The following PCSK2 variants were observed in gnomAD, a reference collection of about 807,000 sequenced individuals.
PCSK2 encodes proprotein convertase subtilisin/kexin type 2, also known as neuroendocrine convertase 2.
PCSK2 carries 14 observed loss-of-function variants against 69.7 expected under a neutral mutation model. That is an observed-to-expected ratio of 0.20 (90% CI 0.13 to 0.31). PCSK2 has a LOEUF of 0.31. Among genes scored for constraint, PCSK2 ranks in the 10% least tolerant of loss-of-function variants. PCSK2 has a pLI of 1.00. For missense variants in PCSK2, 544 were observed against 842.5 expected, an observed-to-expected ratio of 0.65 and a Z score of 4.39; for synonymous variants, 307 against 320.7, an observed-to-expected ratio of 0.96 and a Z score of 0.46.
chr20:17,351,185 A>T (rs1304150640), intron 2 of PCSK2, among the ~76,000 whole-genome samples: 1 of 152,232 alleles, frequency 6.6e-6, no homozygotes, highest in Non-Finnish European at 1.5e-5. Context: ...AGGGATGGGT[A>T]GAGTTGCTTG....
At chr20:17,394,244 C>A (rs913045784) in intron 5 of PCSK2, among the ~76,000 whole-genome samples, 1 of 152,218 alleles carries the variant, frequency 6.6e-6, no homozygotes, top group African/African-American at 2.4e-5. Flanking sequence ...TCAAATGATA[C>A]TGACGTCAAC....
intron 2 of PCSK2, among the ~76,000 whole-genome samples, chr20:17,337,422 G>C (rs1164840802): frequency 6.6e-6 from 1 of 152,174 alleles, no homozygotes; most frequent in Admixed American, 6.5e-5. Flanking sequence ...GGTTTGCCAG[G>C]CTCTGCCCTT....
intron 1 of PCSK2, among the ~76,000 whole-genome samples, chr20:17,258,310 C>T (rs1294877331): frequency 2.6e-5 from 4 of 152,150 alleles, no homozygotes; most frequent in Non-Finnish European, 5.9e-5. Context: ...GAATAAACAC[C>T]CTTCGGGTTG....
intron 2 of PCSK2, among the ~76,000 whole-genome samples, chr20:17,290,111 G>C (rs1988649218): frequency 6.6e-6 from 1 of 152,154 alleles, no homozygotes. Flanking sequence ...GCATGTACTT[G>C]ATTTTTAGTG....
chr20:17,295,831 C>T (rs1386662179), intron 2 of PCSK2, among the ~76,000 whole-genome samples: 2 of 152,140 alleles, frequency 1.3e-5, no homozygotes, highest in African/African-American at 4.8e-5. Context: ...GGTGGGATTA[C>T]ATGTGTGAGC....
At chr20:17,421,807 T>TAAAAAAAAAAAAAA (rs56376793) in intron 6 of PCSK2, among the ~76,000 whole-genome samples, 2 of 78,968 alleles carry the variant, frequency 2.5e-5, no homozygotes, top group African/African-American at 5.0e-5. Context: ...GGAAGAGAGG[T>TAAAAAAAAAAAAAA]AAAAAAAAAA....
chr20:17,420,881 G>A (rs537695260), intron 6 of PCSK2, among the ~76,000 whole-genome samples: 2 of 152,248 alleles, frequency 1.3e-5, no homozygotes, highest in African/African-American at 4.8e-5. Context: ...TAGAGTGCTT[G>A]GTACAGAGCA....
chr20:17,227,140 A>T lies in PCSK2; in HGVS notation c.-166A>T. On this transcript the variant is annotated 5_prime_UTR_variant, in exon 1 of 12. Transcript: ENST00000262545. Reference sequence around the variant, plus strand: ...TTCCCCTCCAGCCAGATGCTGGAGAACACACACTGATTCGCTGCTTTCCAA... The same window carrying T: ...TTCCCCTCCAGCCAGATGCTGGAGATCACACACTGATTCGCTGCTTTCCAA... 1 of 590,504 alleles carries T rather than the reference A, an allele frequency of 1.7e-6. No individual in the cohort carries two copies. Among genetic ancestry groups the T allele is most frequent in the Non-Finnish European group, 3.0e-6 (1 of 335,844 alleles). 36.6% of individuals were successfully genotyped at this position (590,504 alleles called of 1,614,324 possible).
rs147968437 is a variant in PCSK2 at position 17,365,529 on chromosome 20, C to T, written c.506-3711C>T. On this transcript the variant is annotated intron_variant, in intron 4 of 11. Coordinates refer to ENST00000262545, the MANE Select transcript of PCSK2 (RefSeq NM_002594.5). ...GTAGCCCCAAAAGTCTTGATTTGTT[C>T]CAGCACCAACATCAAAGTCTAAAGC... 6.8e-3 allele frequency among the ~76,000 whole-genome samples: 1,042 copies of T among 152,174 alleles called. 6 individuals are homozygous for T. Among genetic ancestry groups the T allele is most frequent in the South Asian group, 0.026 (124 of 4,816 alleles).
chr20:17,273,434 C>T (rs560109069), intron 2 of PCSK2, among the ~76,000 whole-genome samples: 15 of 152,224 alleles, frequency 9.9e-5, no homozygotes, highest in African/African-American at 3.6e-4. Flanking sequence ...CAAATGTCTG[C>T]CAATACATGC....
At chr20:17,357,607 T>C (rs1273399783) in intron 2 of PCSK2, among the ~76,000 whole-genome samples, 1 of 152,180 alleles carries the variant, frequency 6.6e-6, no homozygotes, top group Non-Finnish European at 1.5e-5. Context: ...TAAGAATACT[T>C]TACTCAGCCA....
chr20:17,331,531 G>A (rs1183732863), intron 2 of PCSK2, among the ~76,000 whole-genome samples: 3 of 152,124 alleles, frequency 2.0e-5, no homozygotes, highest in African/African-American at 7.2e-5. Flanking sequence ...TGAATTTTAT[G>A]ACAAGTTTGA....
At chr20:17,411,943 T>G (rs896215996) in intron 6 of PCSK2, among the ~76,000 whole-genome samples, 1 of 152,232 alleles carries the variant, frequency 6.6e-6, no homozygotes, top group African/African-American at 2.4e-5. Context: ...GGGACCTGAC[T>G]GTTAGAAGGA....
At chr20:17,354,420 G>A (rs536641224) in intron 2 of PCSK2, among the ~76,000 whole-genome samples, 27 of 152,270 alleles carry the variant, frequency 1.8e-4, no homozygotes, top group Admixed American at 1.4e-3. Flanking sequence ...AGAGAAGGAG[G>A]AAGAGAGAAT....
At chr20:17,462,885 C>G (rs2033036812) in intron 10 of PCSK2, among the ~76,000 whole-genome samples, 1 of 152,134 alleles carries the variant, frequency 6.6e-6, no homozygotes, top group Non-Finnish European at 1.5e-5. Flanking sequence ...ACCTGTAATT[C>G]TTGGGCTGCT....
At chr20:17,260,951 C>G (rs1043687778) in intron 2 of PCSK2, among the ~76,000 whole-genome samples, 1 of 152,108 alleles carries the variant, frequency 6.6e-6, no homozygotes, top group African/African-American at 2.4e-5. Context: ...AATCTTCAGT[C>G]TTTACCTTGC....
intron 2 of PCSK2, among the ~76,000 whole-genome samples, chr20:17,312,615 G>T (rs2123114526): frequency 6.6e-6 from 1 of 152,100 alleles, no homozygotes; most frequent in South Asian, 2.1e-4. Flanking sequence ...ACTGTCCTAT[G>T]CACTGTTCTG....
chr20:17,341,236 T>A (rs549702795), intron 2 of PCSK2, among the ~76,000 whole-genome samples: 1 of 152,174 alleles, frequency 6.6e-6, no homozygotes, highest in African/African-American at 2.4e-5. Flanking sequence ...CGGGACTGTC[T>A]CAAAAATAAA....
chr20:17,308,249 C>G (rs756498957), intron 2 of PCSK2, among the ~76,000 whole-genome samples: 8 of 152,222 alleles, frequency 5.3e-5, no homozygotes, highest in Non-Finnish European at 1.2e-4. Context: ...AACCACCTCC[C>G]ACCAGGCCCC....
Sources: gnomAD v4.1 joint callset for allele counts (sites outside exome capture counted in the v4.1 genomes callset) on GRCh38, gnomAD v4.1.1 for gene constraint, MANE v1.5 for transcripts, NCBI Gene and HGNC (gene_info 2026-07-23, HGNC 2026-07-21) for gene names.